Variants in GRIA3 observed in about 807,000 individuals in gnomAD.
GRIA3 encodes glutamate ionotropic receptor AMPA type subunit 3.
In GRIA3, 3 loss-of-function variants were observed where a neutral mutation model predicts 63.0. The observed-to-expected ratio is 0.05, with a 90% CI of 0.02 to 0.12. GRIA3 has a LOEUF of 0.12. Ranked by LOEUF, GRIA3 falls within the 10% of genes least tolerant of loss-of-function variation. The probability of loss-of-function intolerance (pLI) is 1.00; values close to 1 mark genes in which losing one functional copy is unlikely to be tolerated. For synonymous variants in GRIA3, 274 were observed against 257.9 expected (o/e 1.06, Z -0.60); for missense variants, 347 against 700.9 (o/e 0.50, Z 5.70).
intron 12 of GRIA3, among the ~76,000 whole-genome samples, chrX:123,438,187 A>G (rs1407098203): frequency 9.0e-6 from 1 of 111,585 alleles, no homozygotes; most frequent in African/African-American, 3.3e-5. Flanking sequence ...CTTCTAATCT[A>G]TTTCCTGTCT....
intron 13 of GRIA3, among the ~76,000 whole-genome samples, chrX:123,472,529 G>T (rs2045869223): frequency 8.9e-6 from 1 of 111,738 alleles, no homozygotes; most frequent in Admixed American, 9.5e-5. Context: ...GCCATATTTT[G>T]TTCAAAACTT....
At chrX:123,349,671 G>A (rs992643544) in intron 4 of GRIA3, among the ~76,000 whole-genome samples, 5 of 112,302 alleles carry the variant, frequency 4.5e-5, no homozygotes, top group Non-Finnish European at 9.4e-5. Flanking sequence ...CTTTGGTATG[G>A]GTGATTGGCT....
rs1217424642 is a variant in GRIA3 at position 123,279,994 on chromosome X, T to G, written c.508+26452T>G. Among the ~76,000 whole-genome samples, 5 of 112,495 alleles carry G rather than the reference T, an allele frequency of 4.4e-5. No homozygotes were observed. The Admixed American group carries it at 4.7e-4, about 11-fold the overall frequency. On this transcript the variant is annotated intron_variant, in intron 3 of 15. Transcript: ENST00000620443. ...ATAAAGTGAATAGGGAAGCACTCTG[T>G]TAAACTAGACTATTTGATGAATCAA... is the stretch of plus-strand genomic sequence containing the variant.
At chrX:123,212,726 T>C (rs1333924770) in intron 2 of GRIA3, among the ~76,000 whole-genome samples, 2 of 112,332 alleles carry the variant, frequency 1.8e-5, no homozygotes, top group African/African-American at 6.5e-5. Flanking sequence ...GTTTTTGCAG[T>C]GACAAGGAGA....
In GRIA3 at chrX:123,344,120, A is replaced by T. The variant is rs188160996; in HGVS notation, c.697-10790A>T. Among the ~76,000 whole-genome samples the T allele has an allele frequency of 4.5e-5, 5 of 111,508 alleles. No homozygotes were observed. The East Asian group carries it at 1.4e-3, about 32-fold the overall frequency. On this transcript the variant is annotated intron_variant, in intron 4 of 15. Coordinates refer to ENST00000620443, the MANE Select transcript of GRIA3 (RefSeq NM_007325.5). The stretch of plus-strand genomic sequence containing the variant: ...ACTGGTCGATCTGACTCCAGAGTGC[A>T]CTCTTATCATTAACTATGCTTTACT...
intron 6 of GRIA3, 61 bp from the exon 7 acceptor site, chrX:123,398,575 C>G: frequency 2.0e-6 from 2 of 986,621 alleles, no homozygotes; most frequent in South Asian, 3.9e-5. Context: ...TTATAAGAAA[C>G]AAGGCAAATT....
chrX:123,246,596 G>A (rs1457804652), intron 2 of GRIA3, among the ~76,000 whole-genome samples: 2 of 111,184 alleles, frequency 1.8e-5, no homozygotes, highest in Non-Finnish European at 3.8e-5. Context: ...GATAATCCAG[G>A]ATATTCTTGA....
At chrX:123,357,844 C>T (rs1170284028) in intron 5 of GRIA3, among the ~76,000 whole-genome samples, 8 of 111,281 alleles carry the variant, frequency 7.2e-5, no homozygotes, top group Non-Finnish European at 1.5e-4. Flanking sequence ...CTTTACCATG[C>T]TTTGAGCTGC....
At chrX:123,190,706 T>C (rs1050490397) in intron 2 of GRIA3, among the ~76,000 whole-genome samples, 2 of 112,173 alleles carry the variant, frequency 1.8e-5, no homozygotes, top group African/African-American at 6.5e-5. Context: ...CAATTTTAAC[T>C]TTTTTTCCCT....
chrX:123,463,340 G>C (rs1259026628), intron 12 of GRIA3, among the ~76,000 whole-genome samples: 1 of 108,213 alleles, frequency 9.2e-6, no homozygotes, highest in Non-Finnish European at 1.9e-5. Context: ...TTGAGCCCAG[G>C]AGTTTGAGAC....
chrX:123,351,174 T>G (rs1361049697), intron 4 of GRIA3, among the ~76,000 whole-genome samples: 1 of 112,238 alleles, frequency 8.9e-6, no homozygotes, highest in Admixed American at 9.5e-5. Flanking sequence ...GGGTACAATT[T>G]ATGCCTTGTT....
chrX:123,298,864 G>C (rs2044702424), intron 3 of GRIA3, among the ~76,000 whole-genome samples: 1 of 110,586 alleles, frequency 9.0e-6, no homozygotes, highest in African/African-American at 3.3e-5. Context: ...TATAGTTTTG[G>C]GTTTTATATT....
intron 3 of GRIA3, among the ~76,000 whole-genome samples, chrX:123,285,819 G>A (rs1414343315): frequency 9.1e-6 from 1 of 110,479 alleles, no homozygotes; most frequent in Non-Finnish European, 1.9e-5. Flanking sequence ...AATAACAGTG[G>A]GAGATTTTAA....
At chrX:123,232,522 G>A (rs1398279994) in intron 2 of GRIA3, among the ~76,000 whole-genome samples, 2 of 111,674 alleles carry the variant, frequency 1.8e-5, no homozygotes. Flanking sequence ...TACGGAGATG[G>A]TGGTGATGGC....
intron 2 of GRIA3, among the ~76,000 whole-genome samples, chrX:123,231,504 T>C (rs1165941493): frequency 8.9e-6 from 1 of 111,832 alleles, no homozygotes; most frequent in Non-Finnish European, 1.9e-5. Flanking sequence ...TCCCTGTCCT[T>C]ATAAAGCTGG....
intron 3 of GRIA3, among the ~76,000 whole-genome samples, chrX:123,257,140 A>G (rs758650874): frequency 9.0e-6 from 1 of 111,398 alleles, no homozygotes; most frequent in African/African-American, 3.3e-5. Flanking sequence ...CATTGAATAT[A>G]ACTGCCTTCT....
At chrX:123,204,567 G>A (rs1927834400) in intron 2 of GRIA3, 1 of 1,154,588 alleles carries the variant, frequency 8.7e-7, no homozygotes. Context: ...CCATTTTAGA[G>A]ACAGAAGAAA....
chrX:123,252,399 T>TC (rs1463899860), intron 2 of GRIA3, among the ~76,000 whole-genome samples: 1 of 112,593 alleles, frequency 8.9e-6, no homozygotes, highest in African/African-American at 3.2e-5. Context: ...GTGGTGCAGA[T>TC]AATCTAAAGA....
intron 5 of GRIA3, among the ~76,000 whole-genome samples, chrX:123,384,082 C>T (rs746357303): frequency 9.6e-4 from 108 of 112,214 alleles, no homozygotes; most frequent in Non-Finnish European, 8.3e-4. Flanking sequence ...ATATGTAGCA[C>T]ATTTTTTTTA....
Sources: gnomAD v4.1 joint callset for allele counts (sites outside exome capture counted in the v4.1 genomes callset) on GRCh38, gnomAD v4.1.1 for gene constraint, MANE v1.5 for transcripts, NCBI Gene and HGNC (gene_info 2026-07-23, HGNC 2026-07-21) for gene names.